Variants in SHANK2 observed in about 807,000 individuals in gnomAD.
SHANK2 encodes the protein SH3 and multiple ankyrin repeat domains protein 2.
Under a neutral mutation model 133.7 loss-of-function variants are expected in SHANK2, and 43 were observed. The observed-to-expected ratio is 0.32, with a 90% confidence interval of 0.25 to 0.41. The LOEUF (loss-of-function observed/expected upper bound fraction) is 0.41, where lower values mean the gene tolerates loss of function less well. Ranked by LOEUF, SHANK2 falls within the 10% of genes least tolerant of loss-of-function variation. The probability of loss-of-function intolerance (pLI) is 1.00; values close to 1 mark genes in which losing one functional copy is unlikely to be tolerated. For missense variants in SHANK2, 1,994 were observed against 2,235.8 expected, an observed-to-expected ratio of 0.89 and a Z score of 2.18; for synonymous variants, 1,017 against 952.8, an observed-to-expected ratio of 1.07 and a Z score of -1.24.
At chr11:70,520,761 T>C (rs2059320519) in intron 17 of SHANK2, among the ~76,000 whole-genome samples, 2 of 152,370 alleles carry the variant, frequency 1.3e-5, no homozygotes, top group South Asian at 4.1e-4. Context: ...CAGTTGTTTA[T>C]TTATCAGTGT....
intron 11 of SHANK2, 91 bp from the exon 12 acceptor site, chr11:70,820,773 G>T: frequency 3.5e-6 from 2 of 577,678 alleles, no homozygotes; most frequent in Non-Finnish European, 6.2e-6. Flanking sequence ...GCCTGCGTGC[G>T]TCCAAGCCCC....
intron 11 of SHANK2, among the ~76,000 whole-genome samples, chr11:70,829,413 G>A (rs1159633892): frequency 7.2e-5 from 11 of 152,122 alleles, no homozygotes; most frequent in African/African-American, 2.7e-4. Context: ...ATGAACCCTG[G>A]GCTGCCCAGG....
intron 15 of SHANK2, among the ~76,000 whole-genome samples, chr11:70,664,721 G>A (rs1944646918): frequency 6.6e-6 from 1 of 152,202 alleles, no homozygotes; most frequent in Non-Finnish European, 1.5e-5. Context: ...GAACTTCTTA[G>A]GGCCAGGGGG....
intron 10 of SHANK2, chr11:70,950,141 C>T: frequency 2.2e-6 from 1 of 456,200 alleles, no homozygotes. Flanking sequence ...TCACTGCAAC[C>T]TCTGTCTCCC....
At chr11:70,906,991 G>A (rs537384231) in intron 10 of SHANK2, among the ~76,000 whole-genome samples, 1 of 152,314 alleles carries the variant, frequency 6.6e-6, no homozygotes, top group East Asian at 1.9e-4. Context: ...TTACCCAGAA[G>A]CCCCTGGTTG....
intron 9 of SHANK2, among the ~76,000 whole-genome samples, 188 bp downstream of exon 9, chr11:71,074,971 G>A (rs1169998346): frequency 6.6e-6 from 1 of 152,034 alleles, no homozygotes; most frequent in Non-Finnish European, 1.5e-5. Flanking sequence ...AGTAGAGACA[G>A]GGTTTCACCA....
chr11:70,850,796 G>T (rs1949074051), intron 11 of SHANK2, among the ~76,000 whole-genome samples: 1 of 152,148 alleles, frequency 6.6e-6, no homozygotes, highest in African/African-American at 2.4e-5. Context: ...GGCAGCTCCT[G>T]ATCTCAGCTT....
intron 10 of SHANK2, among the ~76,000 whole-genome samples, chr11:70,936,407 G>A (rs1555083456): frequency 1.3e-5 from 2 of 152,154 alleles, no homozygotes; most frequent in East Asian, 1.9e-4. Context: ...AGCTACTGGG[G>A]AGGCTGAGGC....
intron 14 of SHANK2, among the ~76,000 whole-genome samples, chr11:70,798,217 T>A (rs561476282): frequency 6.6e-6 from 1 of 152,306 alleles, no homozygotes; most frequent in Admixed American, 6.5e-5. Context: ...CTGAGCAGCC[T>A]TTTAACTAAA....
intron 6 of SHANK2, among the ~76,000 whole-genome samples, chr11:71,106,595 G>T (rs1297971044): frequency 1.3e-5 from 2 of 152,168 alleles, no homozygotes; most frequent in African/African-American, 4.8e-5. Context: ...CTTTAATTAT[G>T]CTGCTTCACA....
intron 11 of SHANK2, among the ~76,000 whole-genome samples, chr11:70,824,384 G>C (rs1555056777): frequency 1.3e-5 from 2 of 152,290 alleles, no homozygotes; most frequent in East Asian, 3.9e-4. Flanking sequence ...TGGTTCCTCT[G>C]TGAAGCCTTT....
intron 11 of SHANK2, among the ~76,000 whole-genome samples, chr11:70,879,232 C>T (rs1366995472): frequency 1.3e-5 from 2 of 152,232 alleles, no homozygotes; most frequent in Non-Finnish European, 2.9e-5. Context: ...GGTACATATG[C>T]GTACAAGTTC....
chr11:70,574,350 T>C (rs1554983794), intron 17 of SHANK2, among the ~76,000 whole-genome samples: 1 of 152,304 alleles, frequency 6.6e-6, no homozygotes, highest in African/African-American at 2.4e-5. Context: ...CCTTCCCCAC[T>C]GGGAGAGGCA....
chr11:70,688,189 T>G (rs534335956), intron 15 of SHANK2, among the ~76,000 whole-genome samples: 1 of 152,266 alleles, frequency 6.6e-6, no homozygotes, highest in African/African-American at 2.4e-5. Context: ...TGCAGAACAG[T>G]TGCTGAGCTG....
At chr11:70,864,550 A>C (rs1202315548) in intron 11 of SHANK2, 1 of 152,236 alleles carries the variant, frequency 6.6e-6, no homozygotes, top group Non-Finnish European at 1.5e-5. Flanking sequence ...CTCCAGGTAA[A>C]AGCAGCCGTA....
At chr11:71,082,014 A>T (rs1951307819) in intron 8 of SHANK2, among the ~76,000 whole-genome samples, 1 of 152,190 alleles carries the variant, frequency 6.6e-6, no homozygotes, top group African/African-American at 2.4e-5. Flanking sequence ...GCTCGGTCCC[A>T]GTTCCAAGGC....
chr11:70,775,687 CA>C (rs1310354908), intron 14 of SHANK2, among the ~76,000 whole-genome samples: 7 of 152,160 alleles, frequency 4.6e-5, no homozygotes, highest in African/African-American at 1.7e-4. Flanking sequence ...TGGCTGTGGA[CA>C]GGGGGCTACA....
intron 11 of SHANK2, among the ~76,000 whole-genome samples, chr11:70,870,083 G>A (rs1478564592): frequency 2.6e-5 from 4 of 152,174 alleles, no homozygotes; most frequent in African/African-American, 9.7e-5. Context: ...GGATTAGGGA[G>A]GGTCCTAAAT....
intron 1 of SHANK2, among the ~76,000 whole-genome samples, chr11:71,227,442 G>A (rs782375807): frequency 6.6e-6 from 1 of 151,992 alleles, no homozygotes; most frequent in Non-Finnish European, 1.5e-5. Context: ...ATTAGATAAA[G>A]TAGACTTCAG....
Sources: allele counts gnomAD v4.1 joint callset (sites outside exome capture counted in the v4.1 genomes callset), GRCh38; gene constraint gnomAD v4.1.1; transcripts MANE v1.5; gene names NCBI Gene and HGNC (gene_info 2026-07-23, HGNC 2026-07-21).